Variants in ICA1 observed in about 807,000 individuals in gnomAD.
The protein encoded by ICA1 is 69 kDa islet cell autoantigen.
Under a neutral mutation model 71.0 loss-of-function variants are expected in ICA1, and 40 were observed. The ratio of observed to expected loss-of-function variants is 0.56; its 90% CI spans 0.44 to 0.73. ICA1 has a LOEUF of 0.73. Among genes scored for constraint, ICA1 ranks in the 30% least tolerant of loss-of-function variants. ICA1 has a pLI of 0.00. For synonymous variants in ICA1, 207 were observed against 209.5 expected, an observed-to-expected ratio of 0.99 and a Z score of 0.10; for missense variants, 578 against 576.5, an observed-to-expected ratio of 1.00 and a Z score of -0.03.
chr7:8,221,534 C>T, intron 4 of ICA1, 136 bp from the exon 5 acceptor site: 1 of 936,488 alleles, frequency 1.1e-6, no homozygotes, highest in Non-Finnish European at 1.6e-6. Flanking sequence ...CGGCAGGCTA[C>T]AGGGTAAGCT....
intron 6 of ICA1, among the ~76,000 whole-genome samples, chr7:8,215,510 C>G (rs1436234866): frequency 6.6e-6 from 1 of 152,166 alleles, no homozygotes; most frequent in African/African-American, 2.4e-5. Context: ...ACTATGTTTA[C>G]TTGCTCTATC....
chr7:8,175,102 CTGAG>C (rs746333436), intron 6 of ICA1, among the ~76,000 whole-genome samples: 173 of 151,990 alleles, frequency 1.1e-3, no homozygotes, highest in African/African-American at 4.0e-3. Flanking sequence ...CGAGGTGGGG[CTGAG>C]TGAGAGGTTG....
chr7:8,135,412 T>TAA lies in ICA1; in HGVS notation c.1060+3426_1060+3427dup, dbSNP rs1003061479. Among the ~76,000 whole-genome samples the TAA allele has an allele frequency of 1.9e-3, 274 of 147,528 alleles. 1 individual carries two copies. The highest frequency in any genetic ancestry group is 6.3e-3 in the African/African-American group (255 of 40,316). ...TGATCAGCTAAGAACAGTATTTGGT[T>TAA]AAAAAAAAAAATGTACCAAAGCCAG... On this transcript the variant is annotated intron_variant, in intron 12 of 13. Transcript: ENST00000402384.
intron 6 of ICA1, among the ~76,000 whole-genome samples, chr7:8,210,464 C>T (rs561336582): frequency 6.6e-6 from 1 of 152,286 alleles, no homozygotes; most frequent in Non-Finnish European, 1.5e-5. Context: ...AAATATTTCT[C>T]ACCACGAAGT....
At position 8,172,551 on chromosome 7, in the gene ICA1, A is replaced by G. The variant is rs541590526; in HGVS notation, c.580-13899T>C. ...ATCTATAACTCACTTTACTCCATTTATATCTATAGAGATGACTATGAGACT... is the reference window on the plus strand; with the variant it reads ...ATCTATAACTCACTTTACTCCATTTGTATCTATAGAGATGACTATGAGACT... On this transcript the variant is annotated intron_variant, in intron 6 of 13. Transcript: ENST00000402384. Among the ~76,000 whole-genome samples, 92 of 152,282 alleles carry G rather than the reference A, an allele frequency of 6.0e-4. 1 individual carries two copies. The highest frequency in any genetic ancestry group is 5.0e-3 in the Admixed American group (76 of 15,294).
At chr7:8,176,461 C>T (rs1393083421) in intron 6 of ICA1, among the ~76,000 whole-genome samples, 1 of 152,180 alleles carries the variant, frequency 6.6e-6, no homozygotes, top group Non-Finnish European at 1.5e-5. Flanking sequence ...GAGACAAAAC[C>T]GTGGTAAGTG....
Position 8,141,774 on chromosome 7 carries a change from T to C in ICA1, c.946A>G (p.Ser316Gly), listed in dbSNP as rs1338529928. The C allele has an allele frequency of 6.4e-7, 1 of 1,562,324 alleles. No individual in the cohort carries two copies. The highest frequency in any genetic ancestry group is 8.8e-7 in the Non-Finnish European group (1 of 1,140,790). The stretch of plus-strand genomic sequence containing the variant: ...AAAAATCAAAACTTACTCTTAAAAC[T>C]AGAGGATTCCTTGCGCTGGTTTTCT... Reference protein sequence around the residue: ...EEENQRKESSSFKTEDGKSIL... With the variant: ...EEENQRKESSGFKTEDGKSIL... Residue 316 changes from serine (S) to glycine (G), a missense_variant, in exon 10 of 14, where the codon AGT becomes GGT. Ser to Gly is a moderately conservative substitution (Grantham distance 56). Transcript: ENST00000402384.
intron 1 of ICA1, among the ~76,000 whole-genome samples, chr7:8,258,602 T>G (rs1811099851): frequency 6.6e-6 from 1 of 152,184 alleles, no homozygotes; most frequent in African/African-American, 2.4e-5. Context: ...AAGTTTAAGT[T>G]CAGTTATCTT....
chr7:8,164,373 T>G (rs1185100434), intron 6 of ICA1, among the ~76,000 whole-genome samples: 1 of 151,312 alleles, frequency 6.6e-6, no homozygotes, highest in East Asian at 1.9e-4. Context: ...TAGTTTAGAT[T>G]TGGATAGTGA....
At chr7:8,150,400 C>T in intron 8 of ICA1, among the ~76,000 whole-genome samples, 1 of 152,240 alleles carries the variant, frequency 6.6e-6, no homozygotes, top group East Asian at 1.9e-4. Flanking sequence ...AGTGCTCCTC[C>T]TGTGGCAGGT....
At chr7:8,233,880 T>A (rs1356661749) in intron 2 of ICA1, among the ~76,000 whole-genome samples, 2 of 152,220 alleles carry the variant, frequency 1.3e-5, no homozygotes, top group African/African-American at 2.4e-5. Context: ...GAAAAGCCAT[T>A]TTTCAGGAGG....
chr7:8,138,990 C>A lies in ICA1; in HGVS notation c.1013G>T (p.Cys338Phe). The A allele has an allele frequency of 4.3e-6, 7 of 1,612,442 alleles. No homozygotes were observed. Among genetic ancestry groups the A allele is most frequent in the South Asian group, 2.2e-5 (2 of 91,016 alleles). ...ALDKGSTHTA[C>F]SGPIDELLDM... The stretch of plus-strand genomic sequence containing the variant: ...TTTTCCTTAATCTAGGTTACCTGAG[C>A]ATGCAGTATGTGTAGAGCCTTTGTC... The change falls in exon 11 of 14, where the codon TGC becomes TTC. Residue 338 changes from cysteine (C) to phenylalanine (F), a missense_variant. Cys to Phe is a radical substitution (Grantham distance 205). Transcript: ENST00000402384.
At chr7:8,165,360 C>T (rs1475086246) in intron 6 of ICA1, among the ~76,000 whole-genome samples, 1 of 152,212 alleles carries the variant, frequency 6.6e-6, no homozygotes, top group Admixed American at 6.5e-5. Context: ...TGTGTGTGGG[C>T]AGCCAACAGT....
At chr7:8,202,868 C>CGCA (rs1554337292) in intron 6 of ICA1, among the ~76,000 whole-genome samples, 1 of 151,536 alleles carries the variant, frequency 6.6e-6, no homozygotes, top group Non-Finnish European at 1.5e-5. Flanking sequence ...AATAGACACA[C>CGCA]CGCACGAATG....
intron 1 of ICA1, among the ~76,000 whole-genome samples, chr7:8,241,855 A>G (rs971179190): frequency 2.0e-5 from 3 of 152,252 alleles, no homozygotes; most frequent in African/African-American, 7.2e-5. Context: ...CAATTCGACA[A>G]GAAGAGTTAA....
intron 8 of ICA1, among the ~76,000 whole-genome samples, chr7:8,150,201 T>C (rs1173038037): frequency 1.3e-5 from 2 of 152,236 alleles, no homozygotes; most frequent in African/African-American, 4.8e-5. Context: ...GGCATGGACA[T>C]GGTCTCCACT....
intron 3 of ICA1, 51 bp from the exon 4 acceptor site, chr7:8,228,724 T>C (rs376335428): frequency 1.6e-6 from 2 of 1,239,002 alleles, no homozygotes; most frequent in African/African-American, 3.0e-5. Flanking sequence ...AGTGGTGAGA[T>C]AAAAAATAAT....
chr7:8,180,118 CACCACCCAGA>C (rs1304143506), intron 6 of ICA1, among the ~76,000 whole-genome samples: 1 of 151,860 alleles, frequency 6.6e-6, no homozygotes, highest in African/African-American at 2.4e-5. Context: ...CCACATTAAC[CACCACCCAGA>C]AAAACATACC....
chr7:8,170,196 G>A (rs1408447350), intron 6 of ICA1, among the ~76,000 whole-genome samples: 1 of 151,694 alleles, frequency 6.6e-6, no homozygotes, highest in Non-Finnish European at 1.5e-5. Context: ...CTATTATTCT[G>A]ATCTATATGT....
Sources: allele counts gnomAD v4.1 joint callset (sites outside exome capture counted in the v4.1 genomes callset), GRCh38; gene constraint gnomAD v4.1.1; transcripts MANE v1.5; gene names NCBI Gene and HGNC (gene_info 2026-07-23, HGNC 2026-07-21).